Variants in ZNF737 observed in about 807,000 individuals in gnomAD.
ZNF737 encodes zinc finger protein 737.
Under a neutral mutation model 11.7 loss-of-function variants are expected in ZNF737, and 13 were observed. The observed-to-expected ratio is 1.11, with a 90% CI of 0.73 to 1.77. ZNF737 has a LOEUF of 1.77. ZNF737 is among the 40% of genes most tolerant of loss of function. The pLI is 0.00. For missense variants in ZNF737, 636 were observed against 638.0 expected (o/e 1.00, Z 0.03); for synonymous variants, 217 against 216.2 (o/e 1.00, Z -0.03).
In ZNF737 at chr19:20,539,606, T is replaced by C. The variant is rs184519319; in HGVS notation, c.*4986A>G. 3.1e-6 allele frequency: 3 copies of C among 968,610 alleles called. No homozygotes were observed. In the Admixed American group the frequency reaches 1.8e-4, roughly 60 times the overall value. The allele number at this position is 968,610 out of a possible 1,614,324, so 60.0% of individuals were successfully genotyped here. A position where few individuals can be genotyped will look rare whatever the true frequency, so the allele number is the denominator to read the frequency against. On this transcript the variant is annotated 3_prime_UTR_variant, in exon 4 of 4. Coordinates refer to ENST00000427401, the MANE Select transcript of ZNF737 (RefSeq NM_001159293.2). ...TAACTAATCATGGATTCAAAAAATA[T>C]TCATATTAATGTGTTTACAGTTTAA...
intron 1 of ZNF737, among the ~76,000 whole-genome samples, chr19:20,555,268 T>C (rs1318157448): frequency 6.6e-6 from 1 of 151,996 alleles, no homozygotes; most frequent in Non-Finnish European, 1.5e-5. Flanking sequence ...CTGCAACCTC[T>C]GCTTCCCAGG....
At position 20,538,132 on chromosome 19, in the gene ZNF737, T is replaced by C. The variant is rs186059060; in HGVS notation, c.*6460A>G. 30 of 589,442 alleles carry C rather than the reference T, an allele frequency of 5.1e-5. 1 individual carries two copies. Among genetic ancestry groups the C allele is most frequent in the South Asian group, 4.5e-4 (6 of 13,388 alleles). 36.5% of individuals were successfully genotyped at this position (589,442 alleles called of 1,614,324 possible). A position where few individuals can be genotyped will look rare whatever the true frequency, so the allele number is the denominator to read the frequency against. On this transcript the variant is annotated 3_prime_UTR_variant, in exon 4 of 4. Transcript: ENST00000427401. ...CTTCAAAGACTTTTCTACCTAATTA[T>C]GAATAGTAACTTCTCTTAGAAGCAA...
chr19:20,563,027 G>T (rs1251551278), intron 1 of ZNF737, among the ~76,000 whole-genome samples: 1 of 150,600 alleles, frequency 6.6e-6, no homozygotes, highest in African/African-American at 2.4e-5. Flanking sequence ...AAGCCATAAA[G>T]ATCTTAAATT....
downstream of ZNF737, among the ~76,000 whole-genome samples, chr19:20,530,828 C>T (rs560536833): frequency 8.7e-4 from 128 of 147,934 alleles, 8 homozygotes; most frequent in African/African-American, 3.0e-3. Flanking sequence ...GACGGGGTGG[C>T]GGCCGGGCAG....
intron 1 of ZNF737, among the ~76,000 whole-genome samples, chr19:20,555,822 A>G (rs529454656): frequency 7.3e-4 from 106 of 144,226 alleles, no homozygotes; most frequent in African/African-American, 2.6e-3. Flanking sequence ...ACCTAAAGAA[A>G]AGCCTTTTTT....
Position 20,545,609 on chromosome 19 carries a change from C to A in ZNF737, c.594G>T (p.Glu198Asp). The stretch of plus-strand genomic sequence containing the variant: ...CACATTCTTCACATTTGAAGGGTTT[C>A]TCCCCAGTATGAATTTTCTTATGTG... ...LTTHKKIHTG[E>D]KPFKCEECGK... The change falls in exon 4 of 4, where the codon GAG (glutamate) becomes GAT (aspartate). Residue 198 changes from glutamate (E) to aspartate (D), a missense_variant. Physicochemically the swap from Glu to Asp is conservative, Grantham distance 45. Coordinates refer to ENST00000427401, the MANE Select transcript of ZNF737 (RefSeq NM_001159293.2). The A allele has an allele frequency of 6.2e-7, 1 of 1,613,986 alleles. No individual in the cohort carries two copies. The highest frequency in any genetic ancestry group is 1.1e-5 in the South Asian group (1 of 91,058).
Position 20,543,717 on chromosome 19 carries a change from A to C in ZNF737, c.*875T>G. The stretch of plus-strand genomic sequence containing the variant: ...ATTTTATATATTTCTAGGGTTTCAC[A>C]CTAGTATAATTATTGTTATGTGTAG... On this transcript the variant is annotated 3_prime_UTR_variant, in exon 4 of 4. Transcript: ENST00000427401. The C allele has an allele frequency of 1.0e-6, 1 of 985,204 alleles. No individual in the cohort carries two copies. The highest frequency in any genetic ancestry group is 1.2e-6 in the Non-Finnish European group (1 of 829,702). 61.0% of individuals were successfully genotyped at this position (985,204 alleles called of 1,614,324 possible).
At chr19:20,552,995 G>T (rs547390058) in intron 2 of ZNF737, among the ~76,000 whole-genome samples, 93 of 146,586 alleles carry the variant, frequency 6.3e-4, no homozygotes, top group Admixed American at 2.1e-3. Flanking sequence ...CTGGGTGACA[G>T]AGTGAGACTC....
chr19:20,535,568 C>T (rs1192239181), downstream of ZNF737, among the ~76,000 whole-genome samples: 1 of 150,244 alleles, frequency 6.7e-6, no homozygotes, highest in East Asian at 2.0e-4. Context: ...TTTTGTCACC[C>T]AAGCTGGAGT....
rs1353021603 is a variant in ZNF737, at chr19:20,542,207, A to T, written c.*2385T>A. ...CTTACCATGGTAAAAATAAAATAAA[A>T]TTAAGTTCACAAATAATCTAACAAA... On this transcript the variant is annotated 3_prime_UTR_variant, in exon 4 of 4. Coordinates refer to ENST00000427401, the MANE Select transcript of ZNF737 (RefSeq NM_001159293.2). 1.0e-6 allele frequency: 1 copy of T among 983,668 alleles called. No individual in the cohort carries two copies. The allele number at this position is 983,668 out of a possible 1,614,324, so 60.9% of individuals were successfully genotyped here. A position where few individuals can be genotyped will look rare whatever the true frequency, so the allele number is the denominator to read the frequency against.
intron 1 of ZNF737, among the ~76,000 whole-genome samples, chr19:20,561,706 C>T (rs1397037850): frequency 5.9e-5 from 9 of 152,114 alleles, no homozygotes; most frequent in East Asian, 3.9e-4. Flanking sequence ...CTGACACCAC[C>T]GAGAGTCAAC....
chr19:20,530,643 G>C, the ZNF737 span, among the ~76,000 whole-genome samples: 1 of 148,018 alleles, frequency 6.8e-6, no homozygotes, highest in Non-Finnish European at 1.5e-5. Context: ...CGGCGGGGCA[G>C]AGGCGCTCCC....
rs560961819 is a variant in ZNF737 at position 20,545,399 on chromosome 19, G to A, written c.804C>T (p.Arg268=). 9 of 1,611,184 alleles carry A rather than the reference G, an allele frequency of 5.6e-6. No individual in the cohort carries two copies. The South Asian group carries it at 9.9e-5, about 18-fold the overall frequency. The part of the protein sequence containing the change: ...KCEECGKAFK[R]SSNLTTHKII... ...TCTTATGTGTAGTAAGGTTAGAGGA[G>A]CGCTTAAAGGCCTTGCCACATTCTT... is the stretch of plus-strand genomic sequence containing the variant. Residue 268 remains arginine, a synonymous_variant, in exon 4 of 4, where the codon CGC becomes CGT. Transcript: ENST00000427401.
At chr19:20,556,821 T>TA (rs1379621988) in intron 1 of ZNF737, among the ~76,000 whole-genome samples, 11 of 152,216 alleles carry the variant, frequency 7.2e-5, no homozygotes, top group African/African-American at 2.4e-4. Context: ...CACTGTTTGT[T>TA]AAACAGGTAC....
intron 1 of ZNF737, among the ~76,000 whole-genome samples, chr19:20,561,792 T>C (rs2144700460): frequency 6.6e-6 from 1 of 151,898 alleles, no homozygotes; most frequent in South Asian, 2.1e-4. Flanking sequence ...CATGGGCTTA[T>C]CTATGCTTCT....
At chr19:20,531,462 T>TTTGA (rs1383543955), downstream of ZNF737, among the ~76,000 whole-genome samples, 1 of 100,906 alleles carries the variant, frequency 9.9e-6, no homozygotes, top group African/African-American at 4.5e-5. Context: ...TGTTAGTTTG[T>TTTGA]TTTGTTTTGT....
At chr19:20,547,456 AAGAAC>A (rs1253655969) in intron 3 of ZNF737, among the ~76,000 whole-genome samples, 3 of 152,044 alleles carry the variant, frequency 2.0e-5, no homozygotes, top group African/African-American at 4.8e-5. Context: ...AAACAAATGA[AAGAAC>A]AGAATAGAGA....
chr19:20,565,582 C>T, intron 1 of ZNF737, 56 bp downstream of exon 1: 1 of 1,614,124 alleles, frequency 6.2e-7, no homozygotes, highest in Admixed American at 1.7e-5. Flanking sequence ...AGCCACTTCC[C>T]ACCGGTTCCA....
intron 3 of ZNF737, among the ~76,000 whole-genome samples, chr19:20,549,341 A>G (rs1174342302): frequency 2.6e-5 from 4 of 152,164 alleles, no homozygotes; most frequent in African/African-American, 9.6e-5. Flanking sequence ...TAAGAAACCT[A>G]CACTGAGGCC....
Sources: gnomAD v4.1 joint callset for allele counts (sites outside exome capture counted in the v4.1 genomes callset) on GRCh38, gnomAD v4.1.1 for gene constraint, MANE v1.5 for transcripts, NCBI Gene and HGNC (gene_info 2026-07-23, HGNC 2026-07-21) for gene names.